The following ZYG11A variants were observed in gnomAD, a reference collection of about 807,000 sequenced individuals.
The protein encoded by ZYG11A is protein zyg-11 homolog A.
ZYG11A carries 62 observed loss-of-function variants against 77.2 expected under a neutral mutation model. That is an observed-to-expected ratio of 0.80 (90% CI 0.65 to 0.99). The LOEUF is 0.99. Ranked by LOEUF, ZYG11A falls within the 50% of genes least tolerant of loss-of-function variation. The pLI is 0.00. For missense variants in ZYG11A, 828 were observed against 896.8 expected (o/e 0.92, Z 0.98); for synonymous variants, 315 against 324.6 (o/e 0.97, Z 0.32).
Position 52,857,139 on chromosome 1 carries a change from C to T in ZYG11A, c.398C>T (p.Thr133Ile). ...CATAAGCTCATTGAACTGAATGCTA[C>T]TGCAGTGCACGCTGACCTCCCAGTT... ...CRHKLIELNA[T>I]AVHADLPVPD... Residue 133 changes from threonine (T) to isoleucine (I), a missense_variant, in exon 3 of 14, where the codon ACT (threonine) becomes ATT (isoleucine). Physicochemically the swap from Thr to Ile is moderately conservative, Grantham distance 89. Transcript: ENST00000371528. 1.3e-6 allele frequency: 2 copies of T among 1,551,940 alleles called. No individual in the cohort carries two copies. The highest frequency in any genetic ancestry group is 1.7e-4 in the Middle Eastern group (1 of 5,994).
At chr1:52,856,165 G>GT (rs1217069880) in intron 2 of ZYG11A, among the ~76,000 whole-genome samples, 1 of 152,190 alleles carries the variant, frequency 6.6e-6, no homozygotes, top group Non-Finnish European at 1.5e-5. Context: ...ATGTGAAATA[G>GT]TATCTGTTGT....
At position 52,864,643 on chromosome 1, in the gene ZYG11A, G is replaced by A. The variant is rs140394243; in HGVS notation, c.1326+486G>A. ...AATAGGAAATATAGATAAGCAGTGA[G>A]GCTAAAATTTTCTTTTTTTTGAGAG... On this transcript the variant is annotated intron_variant, in intron 5 of 13. Coordinates refer to ENST00000371528, the MANE Select transcript of ZYG11A (RefSeq NM_001004339.3). 2.0e-5 allele frequency among the ~76,000 whole-genome samples: 3 copies of A among 152,030 alleles called. No homozygotes were observed. The East Asian group carries it at 5.8e-4, about 29-fold the overall frequency.
intron 10 of ZYG11A, among the ~76,000 whole-genome samples, chr1:52,880,312 G>C (rs934081963): frequency 1.3e-5 from 2 of 152,030 alleles, no homozygotes; most frequent in Non-Finnish European, 2.9e-5. Context: ...CAATATACTA[G>C]TGTCTAGAGT....
chr1:52,843,100 C>G, intron 1 of ZYG11A, 127 bp downstream of exon 1: 6 of 748,530 alleles, frequency 8.0e-6, no homozygotes, highest in Non-Finnish European at 1.2e-5. Flanking sequence ...GGGCTGCGGT[C>G]TAGATGCCGA....
chr1:52,885,763 A>C (rs1394689409), intron 11 of ZYG11A, 70 bp from the exon 12 acceptor site: 3 of 1,235,284 alleles, frequency 2.4e-6, no homozygotes, highest in East Asian at 5.1e-5. Flanking sequence ...TCGTTCCCAG[A>C]TTTTGAAACA....
intron 10 of ZYG11A, among the ~76,000 whole-genome samples, chr1:52,878,854 G>T (rs1424805029): frequency 6.8e-6 from 1 of 147,350 alleles, no homozygotes; most frequent in Non-Finnish European, 1.5e-5. Context: ...CAGGAGAATT[G>T]CTTGAACCTG....
chr1:52,872,901 A>G (rs1302571349), intron 8 of ZYG11A, among the ~76,000 whole-genome samples: 2 of 45,988 alleles, frequency 4.3e-5, no homozygotes, highest in Non-Finnish European at 1.5e-4. Flanking sequence ...AAAAAAAAAG[A>G]AAAGAAAAGA....
At chr1:52,865,933 G>GTTTTTTT (rs35299513) in intron 5 of ZYG11A, among the ~76,000 whole-genome samples, 1 of 96,764 alleles carries the variant, frequency 1.0e-5, no homozygotes, top group African/African-American at 3.9e-5. Flanking sequence ...TGTAAAGGGA[G>GTTTTTTT]TTTTTTTTTT....
intron 13 of ZYG11A, among the ~76,000 whole-genome samples, chr1:52,889,491 CA>C (rs1382881185): frequency 1.3e-5 from 2 of 151,546 alleles, no homozygotes; most frequent in African/African-American, 4.9e-5. Context: ...CTATGTTGCC[CA>C]GGCTGGTTGT....
In ZYG11A at chr1:52,864,743, C is replaced by T. The variant is rs148947245; in HGVS notation, c.1326+586C>T. 1.7e-3 allele frequency among the ~76,000 whole-genome samples: 254 copies of T among 151,530 alleles called. 2 individuals are homozygous for T. Among genetic ancestry groups the T allele is most frequent in the African/African-American group, 5.8e-3 (241 of 41,316 alleles). On this transcript the variant is annotated intron_variant, in intron 5 of 13. Transcript: ENST00000371528. ...CACCGCAACCTCCGCCTCCTGGGTTCGTGCCATTCTCCTACCTCAGCCTCC... is the reference window on the plus strand; with the variant it reads ...CACCGCAACCTCCGCCTCCTGGGTTTGTGCCATTCTCCTACCTCAGCCTCC...
At chr1:52,880,875 T>G (rs889010349) in intron 10 of ZYG11A, among the ~76,000 whole-genome samples, 3 of 152,144 alleles carry the variant, frequency 2.0e-5, no homozygotes, top group Non-Finnish European at 4.4e-5. Flanking sequence ...CCCTGTGAGA[T>G]CTCAGAGAAG....
intron 11 of ZYG11A, 129 bp downstream of exon 11, chr1:52,881,794 T>A (rs1646367059): frequency 1.5e-6 from 1 of 672,940 alleles, no homozygotes; most frequent in Non-Finnish European, 2.3e-6. Context: ...TACTAACCCA[T>A]ATCTTTCCAT....
At chr1:52,854,365 A>G (rs1645768248) in intron 1 of ZYG11A, 100 bp from the exon 2 acceptor site, 5 of 1,091,552 alleles carry the variant, frequency 4.6e-6, no homozygotes, top group Middle Eastern at 3.0e-4. Flanking sequence ...ATGTATCTTC[A>G]GATACTCTCA....
intron 4 of ZYG11A, among the ~76,000 whole-genome samples, chr1:52,861,445 A>G (rs544552424): frequency 1.8e-4 from 28 of 152,208 alleles, no homozygotes; most frequent in African/African-American, 6.3e-4. Flanking sequence ...AAATGTGGAT[A>G]TTTTCCCAGC....
Position 52,847,860 on chromosome 1 carries a change from A to ATTTT in ZYG11A, c.90+4890_90+4891insTTTT, listed in dbSNP as rs569711262. Among the ~76,000 whole-genome samples the ATTTT allele has an allele frequency of 3.2e-5, 3 of 92,866 alleles. No individual in the cohort carries two copies. In the South Asian group the frequency reaches 1.1e-3, roughly 34 times the overall value. 60.9% of individuals were successfully genotyped at this position (92,866 alleles called of 152,430 possible). ...AATTTATTTATTTATTTATTTATTT[A>ATTTT]TTTATTTATTTATTTATTTATTTTT... On this transcript the variant is annotated intron_variant, in intron 1 of 13. Coordinates refer to ENST00000371528, the MANE Select transcript of ZYG11A (RefSeq NM_001004339.3).
At chr1:52,863,400 C>T (rs1011265383) in intron 4 of ZYG11A, among the ~76,000 whole-genome samples, 3 of 152,112 alleles carry the variant, frequency 2.0e-5, no homozygotes, top group Admixed American at 2.0e-4. Flanking sequence ...TTATCACTTT[C>T]TTTCCCCTAG....
intron 12 of ZYG11A, 61 bp downstream of exon 12, chr1:52,885,955 C>T (rs1275175378): frequency 7.5e-7 from 1 of 1,329,612 alleles, no homozygotes; most frequent in Non-Finnish European, 1.0e-6. Context: ...ATTTTTGAGA[C>T]AGAGTCTTGC....
chr1:52,843,734 T>C (rs866528464), intron 1 of ZYG11A, among the ~76,000 whole-genome samples: 30 of 144,324 alleles, frequency 2.1e-4, no homozygotes, highest in African/African-American at 7.0e-4. Context: ...GTCACCAGGC[T>C]GGAGTGCAGT....
At chr1:52,869,103 A>G (rs1375787155) in intron 8 of ZYG11A, among the ~76,000 whole-genome samples, 4 of 152,160 alleles carry the variant, frequency 2.6e-5, no homozygotes, top group Non-Finnish European at 5.9e-5. Context: ...CTGGGATTAC[A>G]GGAGTGAGCC....
Sources: allele counts gnomAD v4.1 joint callset (sites outside exome capture counted in the v4.1 genomes callset), GRCh38; gene constraint gnomAD v4.1.1; transcripts MANE v1.5; gene names NCBI Gene and HGNC (gene_info 2026-07-23, HGNC 2026-07-21).